The following RIF1 variants were observed in gnomAD, a reference collection of about 807,000 sequenced individuals.
RIF1 encodes replication timing regulatory factor 1.
Under a neutral mutation model 247.1 loss-of-function variants are expected in RIF1, and 45 were observed. That is an observed-to-expected ratio of 0.18 (90% CI 0.14 to 0.23). The LOEUF (loss-of-function observed/expected upper bound fraction) is 0.23. Ranked by LOEUF, RIF1 falls within the 10% of genes least tolerant of loss-of-function variation. The pLI, the probability that RIF1 is intolerant of heterozygous loss-of-function variation, is 1.00. For synonymous variants in RIF1, 1,087 were observed against 978.8 expected (o/e 1.11, Z -2.06); for missense variants, 2,967 against 2,862.5 (o/e 1.04, Z -0.83).
chr2:151,420,445 A>ATT, intron 7 of RIF1, 66 bp downstream of exon 7: 1 of 1,498,396 alleles, frequency 6.7e-7, no homozygotes, highest in Non-Finnish European at 9.2e-7. Context: ...TAAGCTTAAA[A>ATT]TTCAGTCTGG....
intron 9 of RIF1, among the ~76,000 whole-genome samples, chr2:151,432,485 T>TA (rs1448603519): frequency 6.6e-6 from 1 of 152,224 alleles, no homozygotes; most frequent in Non-Finnish European, 1.5e-5. Context: ...TAAATGAATC[T>TA]ATTTAGATTT....
chr2:151,439,756 G>A (rs190131209), intron 14 of RIF1, among the ~76,000 whole-genome samples: 6 of 151,384 alleles, frequency 4.0e-5, no homozygotes, highest in Admixed American at 1.3e-4. Context: ...AGCTGAGATG[G>A]GTGGATCACC....
chr2:151,424,966 C>T (rs984927483), intron 8 of RIF1, among the ~76,000 whole-genome samples: 3 of 150,672 alleles, frequency 2.0e-5, no homozygotes, highest in Admixed American at 6.7e-5. Context: ...GCATGAGCCA[C>T]TTGAACCAGC....
At chr2:151,442,482 T>G (rs1039211492) in intron 16 of RIF1, among the ~76,000 whole-genome samples, 1 of 151,822 alleles carries the variant, frequency 6.6e-6, no homozygotes, top group Non-Finnish European at 1.5e-5. Flanking sequence ...AAACTGATAG[T>G]TAATATAAAG....
At chr2:151,410,909 A>G (rs1286952091) in intron 2 of RIF1, among the ~76,000 whole-genome samples, 1 of 152,172 alleles carries the variant, frequency 6.6e-6, no homozygotes, top group South Asian at 2.1e-4. Context: ...TAATTGCAAA[A>G]TGCTTCAAAG....
Position 151,478,224 on chromosome 2 carries a change from C to T in RIF1, c.*3153C>T, listed in dbSNP as rs2049022648. On this transcript the variant is annotated 3_prime_UTR_variant, in exon 36 of 36. Transcript: ENST00000444746. The stretch of plus-strand genomic sequence containing the variant: ...AATACAGGCAAAAACAGGATTTAAA[C>T]CCGCACATTAAAAGCATGACTGAAG... 6.6e-6 allele frequency: 1 copy of T among 152,140 alleles called. No individual in the cohort carries two copies. Among genetic ancestry groups the T allele is most frequent in the Non-Finnish European group, 1.5e-5 (1 of 68,048 alleles). The allele number at this position is 152,140 out of a possible 1,614,324, so 9.4% of individuals were successfully genotyped here. A position where few individuals can be genotyped will look rare whatever the true frequency, so the allele number is the denominator to read the frequency against.
chr2:151,491,391 A>G, intron 9 of RIF1: 1 of 283,794 alleles, frequency 3.5e-6, no homozygotes, highest in Middle Eastern at 1.2e-3. Flanking sequence ...TATTTTATGT[A>G]TTTTCATTAT....
At chr2:151,423,268 G>A (rs1688477974) in intron 8 of RIF1, 2 of 447,636 alleles carry the variant, frequency 4.5e-6, no homozygotes, top group East Asian at 9.3e-5. Flanking sequence ...GTCACACAAC[G>A]TGCATGTTTC....
chr2:151,412,293 T>C (rs1304064791), intron 3 of RIF1, among the ~76,000 whole-genome samples: 1 of 121,834 alleles, frequency 8.2e-6, no homozygotes, highest in African/African-American at 2.5e-5. Flanking sequence ...CTTGTTCTCT[T>C]TTTTTAATTT....
chr2:151,471,776 T>C (rs912611597), intron 34 of RIF1, among the ~76,000 whole-genome samples: 1 of 152,178 alleles, frequency 6.6e-6, no homozygotes, highest in Non-Finnish European at 1.5e-5. Context: ...ACTGTAGCCT[T>C]GTAGTATAGT....
intron 4 of RIF1, among the ~76,000 whole-genome samples, chr2:151,416,076 A>G (rs908888709): frequency 2.0e-5 from 3 of 152,336 alleles, no homozygotes; most frequent in East Asian, 3.9e-4. Flanking sequence ...CTGTTGCTCC[A>G]TAGTTAGATG....
At chr2:151,529,148 C>T in the RIF1 span, 1 of 1,082,218 alleles carries the variant, frequency 9.2e-7, no homozygotes, top group East Asian at 2.4e-5. Context: ...TAAAAAGAGG[C>T]CATGTGTCCT....
intron 10 of RIF1, among the ~76,000 whole-genome samples, chr2:151,433,561 T>A (rs1416418705): frequency 6.6e-6 from 1 of 152,130 alleles, no homozygotes; most frequent in African/African-American, 2.4e-5. Context: ...TTCAAGTGAT[T>A]CTCCTGTGTC....
intron 31 of RIF1, 96 bp downstream of exon 31, chr2:151,468,242 TCTTC>T: frequency 8.4e-7 from 1 of 1,185,276 alleles, no homozygotes. Context: ...GTGAAAAACT[TCTTC>T]CTTGGTTTAA....
downstream of RIF1, chr2:151,508,068 AT>A: frequency 6.2e-7 from 1 of 1,610,732 alleles, no homozygotes; most frequent in Non-Finnish European, 8.5e-7. Flanking sequence ...AAACAGTCTC[AT>A]AATACGACAT....
Position 151,507,471 on chromosome 2 carries a change from CCT to C in RIF1, c.*1028-254_*1028-253del, listed in dbSNP as rs554538840. ...ACCTTCATTTAAAGCAGGCAATAAG[CCT>C]CTCCTTCCAGAAGGGTCCTCCCTAG... On this transcript the variant is annotated intron_variant and NMD_transcript_variant, in intron 13 of 13. Transcript: ENST00000454583. Among the ~76,000 whole-genome samples the C allele has an allele frequency of 4.6e-5, 7 of 152,298 alleles. No homozygotes were observed. In the South Asian group the frequency reaches 1.4e-3, roughly 32 times the overall value.
intron 12 of RIF1, chr2:151,506,165 C>G: frequency 6.2e-7 from 1 of 1,606,664 alleles, no homozygotes; most frequent in Non-Finnish European, 8.5e-7. Context: ...TGTGTCTTTA[C>G]CGAGCTAATG....
chr2:151,470,946 T>A (rs1697702936), intron 34 of RIF1, among the ~76,000 whole-genome samples: 1 of 152,168 alleles, frequency 6.6e-6, no homozygotes, highest in Non-Finnish European at 1.5e-5. Context: ...TCGTGTAAAA[T>A]TCACCTACCC....
intron 10 of RIF1, chr2:151,497,163 T>A: frequency 7.7e-7 from 1 of 1,304,704 alleles, no homozygotes; most frequent in Non-Finnish European, 1.1e-6. Flanking sequence ...AGTTATATGC[T>A]GACAAAATGC....
Sources: gnomAD v4.1 joint callset for allele counts (sites outside exome capture counted in the v4.1 genomes callset) on GRCh38, gnomAD v4.1.1 for gene constraint, MANE v1.5 for transcripts, NCBI Gene and HGNC (gene_info 2026-07-23, HGNC 2026-07-21) for gene names.